Variants in TTC39A observed in about 807,000 individuals in gnomAD.
TTC39A encodes the protein tetratricopeptide repeat protein 39A.
TTC39A carries 46 observed loss-of-function variants against 82.3 expected under a neutral mutation model. The ratio of observed to expected loss-of-function variants is 0.56; its 90% CI spans 0.44 to 0.71. TTC39A has a LOEUF of 0.71. TTC39A is among the 30% of genes least tolerant of loss of function. The pLI, the probability that TTC39A is intolerant of heterozygous loss-of-function variation, is 0.00. For missense variants in TTC39A, 543 were observed against 712.9 expected (o/e 0.76, Z 2.71); for synonymous variants, 254 against 275.2 (o/e 0.92, Z 0.76).
In TTC39A at chr1:51,305,077, T is replaced by C. The variant is rs762359847; in HGVS notation, c.654+4A>G. On this transcript the variant is annotated splice_donor_region_variant and intron_variant, in intron 8 of 17. Coordinates refer to ENST00000680483, the MANE Select transcript of TTC39A (RefSeq NM_001297663.2). ...GTCAGGGGTGCTAGGAGGCAGGTGG[T>C]TACCTTGTTTCCTGAAAACCCCACA... 1.9e-6 allele frequency: 3 copies of C among 1,613,086 alleles called. No homozygotes were observed. The South Asian group carries it at 3.3e-5, about 18-fold the overall frequency.
At chr1:51,305,013 C>G in intron 8 of TTC39A, 68 bp downstream of exon 8, 5 of 1,567,968 alleles carry the variant, frequency 3.2e-6, no homozygotes, top group Non-Finnish European at 4.4e-6. Context: ...CTGTCAGCCC[C>G]ACCCTGTGCA....
intron 6 of TTC39A, among the ~76,000 whole-genome samples, chr1:51,306,679 A>C (rs948466118): frequency 6.6e-6 from 1 of 152,158 alleles, no homozygotes; most frequent in Non-Finnish European, 1.5e-5. Flanking sequence ...TAGCCCAGCC[A>C]CCTGGGGCAG....
At chr1:51,342,599 G>T (rs1646050129) in intron 1 of TTC39A, among the ~76,000 whole-genome samples, 1 of 152,200 alleles carries the variant, frequency 6.6e-6, no homozygotes, top group Non-Finnish European at 1.5e-5. Context: ...GTGGTGTGGT[G>T]GGCGAGGGGT....
rs146207422 is a variant in TTC39A, at chr1:51,292,158, C to T, written c.1267-1533G>A. Reference sequence around the variant, plus strand: ...GATATCACCACTACACTCCAGCCTGCATGACAGAGTGAGACCCCACCTCTA... The same window carrying T: ...GATATCACCACTACACTCCAGCCTGTATGACAGAGTGAGACCCCACCTCTA... On this transcript the variant is annotated intron_variant, in intron 14 of 17. Coordinates refer to ENST00000680483, the MANE Select transcript of TTC39A (RefSeq NM_001297663.2). Among the ~76,000 whole-genome samples the T allele has an allele frequency of 5.1e-3, 776 of 152,048 alleles. 9 individuals are homozygous for T. Among genetic ancestry groups the T allele is most frequent in the African/African-American group, 8.1e-3 (336 of 41,478 alleles).
intron 2 of TTC39A, among the ~76,000 whole-genome samples, chr1:51,319,371 C>A (rs775942231): frequency 2.0e-5 from 3 of 151,958 alleles, no homozygotes; most frequent in Non-Finnish European, 2.9e-5. Flanking sequence ...GAGGACTGAC[C>A]TAGGAGGTCC....
intron 11 of TTC39A, chr1:51,302,074 G>A: frequency 1.4e-6 from 1 of 715,696 alleles, no homozygotes; most frequent in South Asian, 1.5e-5. Flanking sequence ...CCTAACCTCT[G>A]CCTCCCTCAA....
intron 1 of TTC39A, among the ~76,000 whole-genome samples, chr1:51,340,266 G>A (rs1033447722): frequency 2.0e-5 from 3 of 152,216 alleles, no homozygotes; most frequent in Admixed American, 6.5e-5. Flanking sequence ...AGGCCAGGGT[G>A]GTGGTGGCAG....
At chr1:51,320,584 T>C (rs1291202432) in intron 2 of TTC39A, among the ~76,000 whole-genome samples, 1 of 151,828 alleles carries the variant, frequency 6.6e-6, no homozygotes. Flanking sequence ...ATACTATAGC[T>C]GAGACTATAG....
chr1:51,345,065 G>A (rs963147668), exon 1 of TTC39A: 56 of 1,356,952 alleles, frequency 4.1e-5, no homozygotes, highest in Non-Finnish European at 5.2e-5. Context: ...GGGCTCGGAC[G>A]GGGCCGCGGG....
Position 51,290,553 on chromosome 1 carries a change from T to A in TTC39A, c.1339A>T (p.Ile447Phe), listed in dbSNP as rs1408838449. 3.1e-6 allele frequency: 5 copies of A among 1,613,840 alleles called. No homozygotes were observed. Among genetic ancestry groups the A allele is most frequent in the Admixed American group, 1.7e-5 (1 of 59,998 alleles). The change falls in exon 15 of 18, where the codon ATT (isoleucine) becomes TTT (phenylalanine). Residue 447 changes from isoleucine to phenylalanine, a missense_variant. Coordinates refer to ENST00000680483, the MANE Select transcript of TTC39A (RefSeq NM_001297663.2). ...QPKLTDGILE[I>F]ITKAEEMLEK... The stretch of plus-strand genomic sequence containing the variant: ...AGCATCTCTTCAGCCTTAGTGATAA[T>A]CTCAAGTATCCCATCCGTGAGTTTC...
chr1:51,320,874 T>G, intron 2 of TTC39A, among the ~76,000 whole-genome samples: 1 of 148,200 alleles, frequency 6.7e-6, no homozygotes, highest in African/African-American at 2.5e-5. Flanking sequence ...TTTTCTGGTT[T>G]TTTTTTTTTT....
At chr1:51,331,748 C>T, upstream of TTC39A, 3 of 985,296 alleles carry the variant, frequency 3.0e-6, no homozygotes, top group Non-Finnish European at 3.6e-6. Flanking sequence ...TATACAGGCA[C>T]GAAAAAGATA....
intron 2 of TTC39A, among the ~76,000 whole-genome samples, chr1:51,313,444 C>T (rs1367670748): frequency 6.6e-6 from 1 of 152,196 alleles, no homozygotes; most frequent in Non-Finnish European, 1.5e-5. Context: ...CCACTCCCTC[C>T]CCTCATCTGA....
intron 1 of TTC39A, among the ~76,000 whole-genome samples, chr1:51,325,026 G>T (rs1030206663): frequency 6.6e-6 from 1 of 151,352 alleles, no homozygotes; most frequent in African/African-American, 2.4e-5. Context: ...AGGCTGAGGC[G>T]GGCGGATCAC....
At chr1:51,344,752 G>A (rs963097846) in intron 1 of TTC39A, among the ~76,000 whole-genome samples, 1 of 152,260 alleles carries the variant, frequency 6.6e-6, no homozygotes, top group Non-Finnish European at 1.5e-5. Flanking sequence ...GACACTGAGC[G>A]GCGCTCAGGT....
intron 13 of TTC39A, 107 bp downstream of exon 13, chr1:51,295,972 C>A (rs1320624676): frequency 7.8e-7 from 1 of 1,280,258 alleles, no homozygotes; most frequent in Non-Finnish European, 1.1e-6. Flanking sequence ...AGCCACCCTA[C>A]TCCTCCCTCC....
At chr1:51,343,043 C>T (rs758323914) in intron 1 of TTC39A, 24 of 456,128 alleles carry the variant, frequency 5.3e-5, no homozygotes, top group South Asian at 2.2e-4. Context: ...GCCCACAGGA[C>T]GATGCACAAC....
In TTC39A at chr1:51,296,080, G is replaced by GA. The variant is rs1644409855; in HGVS notation, c.1143dup (p.Arg382SerfsTer65). Reference sequence around the variant, plus strand: ...GTGGGAGCACGATGTGGGACCCACCGAAATAATTCCACTTCGTCGTCCCCG... The same window carrying GA: ...GTGGGAGCACGATGTGGGACCCACCGAAAATAATTCCACTTCGTCGTCCCCG... On this transcript the variant is annotated frameshift_variant and splice_region_variant, in exon 13 of 18. Coordinates refer to ENST00000680483, the MANE Select transcript of TTC39A (RefSeq NM_001297663.2). LOFTEE classifies it high-confidence loss of function. 9 of 1,580,866 alleles carry GA rather than the reference G, an allele frequency of 5.7e-6. No individual in the cohort carries two copies. The highest frequency in any genetic ancestry group is 6.9e-6 in the Non-Finnish European group (8 of 1,163,070).
chr1:51,344,804 C>G (rs1249308306), intron 1 of TTC39A, among the ~76,000 whole-genome samples: 1 of 152,224 alleles, frequency 6.6e-6, no homozygotes, highest in African/African-American at 2.4e-5. Flanking sequence ...CTGCTGGGGG[C>G]GAGGACAGAG....
Sources: allele counts gnomAD v4.1 joint callset (sites outside exome capture counted in the v4.1 genomes callset), GRCh38; gene constraint gnomAD v4.1.1; transcripts MANE v1.5; gene names NCBI Gene and HGNC (gene_info 2026-07-23, HGNC 2026-07-21).